HBEGF: variants seen among roughly 807,000 people sequenced by gnomAD.
HBEGF encodes proheparin-binding EGF-like growth factor.
In HBEGF, 8 loss-of-function variants were observed where a neutral mutation model predicts 19.5. The observed-to-expected ratio is 0.41, with a 90% CI of 0.24 to 0.74. The LOEUF (loss-of-function observed/expected upper bound fraction) is 0.74, where lower values mean the gene tolerates loss of function less well. Ranked by LOEUF, HBEGF falls within the 30% of genes least tolerant of loss-of-function variation. The pLI is 0.32. For synonymous variants in HBEGF, 97 were observed against 108.9 expected (o/e 0.89, Z 0.68); for missense variants, 207 against 256.9 (o/e 0.81, Z 1.33).
intron 2 of HBEGF, among the ~76,000 whole-genome samples, chr5:140,343,563 G>C (rs993926678): frequency 6.6e-6 from 1 of 152,166 alleles, no homozygotes; most frequent in Non-Finnish European, 1.5e-5. Flanking sequence ...GGGTGTACAA[G>C]GGATAGAAAA....
At chr5:140,336,986 G>T (rs979799736) in intron 3 of HBEGF, among the ~76,000 whole-genome samples, 1 of 151,694 alleles carries the variant, frequency 6.6e-6, no homozygotes, top group Admixed American at 6.6e-5. Context: ...CCGCCACCAC[G>T]CCCAGCTAAT....
At chr5:140,343,148 C>A in intron 2 of HBEGF, 1 of 256,932 alleles carries the variant, frequency 3.9e-6, no homozygotes, top group South Asian at 7.6e-5. Flanking sequence ...CACCTTACAC[C>A]CCCATCTCCT....
At chr5:140,339,047 G>A (rs1766269792) in intron 3 of HBEGF, among the ~76,000 whole-genome samples, 1 of 152,214 alleles carries the variant, frequency 6.6e-6, no homozygotes, top group African/African-American at 2.4e-5. Context: ...TACTTCACTA[G>A]AGTATTGTGA....
In HBEGF at chr5:140,346,149, C is replaced by G; in HGVS notation, c.47-65G>C. 1 of 1,570,332 alleles carries G rather than the reference C, an allele frequency of 6.4e-7. No individual in the cohort carries two copies. Among genetic ancestry groups the G allele is most frequent in the Non-Finnish European group, 8.6e-7 (1 of 1,159,152 alleles). On this transcript the variant is annotated intron_variant, in intron 1 of 5. Transcript: ENST00000230990. The surrounding 1 kb of genome is among the most constrained non-coding windows in gnomAD (Gnocchi z 6.1). ...GACCCCTGACCAACACGCACCGATG[C>G]CGACGCCCGTCCGCCAGAGCGCAAG...
At chr5:140,337,028 A>G (rs1468529034) in intron 3 of HBEGF, among the ~76,000 whole-genome samples, 1 of 151,710 alleles carries the variant, frequency 6.6e-6, no homozygotes, top group East Asian at 1.9e-4. Context: ...ACGGAGTTTC[A>G]CCATGTTAAC....
At chr5:140,335,331 C>T (rs750238950) in intron 4 of HBEGF, among the ~76,000 whole-genome samples, 3 of 149,578 alleles carry the variant, frequency 2.0e-5, no homozygotes, top group Admixed American at 6.7e-5. Context: ...TTGCAGTGAG[C>T]CGAGATCACA....
rs754819428 is a variant in HBEGF at position 140,346,285 on chromosome 5, G to C, written c.44C>G (p.Ala15Gly). 3 of 1,606,874 alleles carry C rather than the reference G, an allele frequency of 1.9e-6. No homozygotes were observed. The South Asian group carries it at 3.3e-5, about 18-fold the overall frequency. ...PSVVLKLFLA[A>G]VLSALVTGES... ...GGGGGCGTCGGCAGCCCTCTTACCTGCAGCCAGAAAGAGCTTCAGCACCAC... is the reference window on the plus strand; with the variant it reads ...GGGGGCGTCGGCAGCCCTCTTACCTCCAGCCAGAAAGAGCTTCAGCACCAC... The change falls in exon 1 of 6, where the codon GCA (alanine) becomes GGA (glycine). Residue 15 changes from alanine to glycine, a missense_variant and splice_region_variant. Ala to Gly is a moderately conservative substitution (Grantham distance 60). Transcript: ENST00000230990. This position sits in a 1 kb window ranked among gnomAD's most constrained non-coding sequence, Gnocchi z 6.1.
chr5:140,336,056 G>A (rs1397883080), intron 3 of HBEGF, 29 bp from the exon 4 acceptor site: 3 of 1,608,730 alleles, frequency 1.9e-6, no homozygotes, highest in Non-Finnish European at 2.5e-6. Context: ...AGAAGGAGAT[G>A]GAGTTAGTGC....
chr5:140,339,405 T>A (rs999233616), intron 3 of HBEGF, among the ~76,000 whole-genome samples: 13 of 152,266 alleles, frequency 8.5e-5, no homozygotes, highest in African/African-American at 2.9e-4. Context: ...TATTATTATT[T>A]TTTTGAGATG....
chr5:140,346,504 T>A lies in HBEGF; in HGVS notation c.-176A>T. ...AGGCGCAGCTCGCTCTTCTTGAGTG[T>A]CTTGTCTTGCTCACTCAGCCCGCCC... is the stretch of plus-strand genomic sequence containing the variant. On this transcript the variant is annotated 5_prime_UTR_variant, in exon 1 of 6. Coordinates refer to ENST00000230990, the MANE Select transcript of HBEGF (RefSeq NM_001945.3). The surrounding 1 kb of genome is among the most constrained non-coding windows in gnomAD (Gnocchi z 6.1). 1.4e-6 allele frequency: 1 copy of A among 714,126 alleles called. No individual in the cohort carries two copies. The highest frequency in any genetic ancestry group is 1.7e-5 in the South Asian group (1 of 58,284). 44.2% of individuals were successfully genotyped at this position (714,126 alleles called of 1,614,324 possible).
Position 140,346,574 on chromosome 5 carries a change from G to A in HBEGF, c.-246C>T. On this transcript the variant is annotated 5_prime_UTR_variant, in exon 1 of 6. Transcript: ENST00000230990. The surrounding 1 kb of genome is among the most constrained non-coding windows in gnomAD (Gnocchi z 6.1). ...CGCGCCTAGGTCAGGCCAGCCAGCA[G>A]CGTGGCCCGCGTAGCTCCTTCGGCC... 1.8e-6 allele frequency: 1 copy of A among 557,380 alleles called. No individual in the cohort carries two copies. The highest frequency in any genetic ancestry group is 3.2e-6 in the Non-Finnish European group (1 of 315,268). The allele number at this position is 557,380 out of a possible 1,614,324, so 34.5% of individuals were successfully genotyped here.
Position 140,346,420 on chromosome 5 carries a change from G to A in HBEGF, c.-92C>T. ...CACCAGAGCTGGGCGGCGGAGCTCA[G>A]GAGATTCCGCCGGGCACCGTCTGCC... On this transcript the variant is annotated 5_prime_UTR_variant, in exon 1 of 6. Transcript: ENST00000230990. This position sits in a 1 kb window ranked among gnomAD's most constrained non-coding sequence, Gnocchi z 6.1. 2 of 1,421,340 alleles carry A rather than the reference G, an allele frequency of 1.4e-6. No individual in the cohort carries two copies. The highest frequency in any genetic ancestry group is 1.9e-6 in the Non-Finnish European group (2 of 1,036,702). 88.0% of individuals were successfully genotyped at this position (1,421,340 alleles called of 1,614,324 possible).
chr5:140,336,828 CTTTTTTTT>C (rs1160533557), intron 3 of HBEGF, among the ~76,000 whole-genome samples: 2 of 129,814 alleles, frequency 1.5e-5, no homozygotes, highest in Non-Finnish European at 3.2e-5. Flanking sequence ...TTTTCTTTTT[CTTTTTTTT>C]TTTTTTTTTT....
chr5:140,343,014 G>C (rs1183682179), intron 2 of HBEGF: 2 of 587,882 alleles, frequency 3.4e-6, no homozygotes, highest in Non-Finnish European at 6.0e-6. Flanking sequence ...ACCTCGGTAG[G>C]AAGTAGAAGC....
chr5:140,337,632 T>C (rs1397409708), intron 3 of HBEGF, among the ~76,000 whole-genome samples: 3 of 152,170 alleles, frequency 2.0e-5, no homozygotes, highest in African/African-American at 7.2e-5. Flanking sequence ...GGCTGGGTGG[T>C]ACTGCATTCT....
intron 3 of HBEGF, among the ~76,000 whole-genome samples, chr5:140,339,144 A>G (rs1257637814): frequency 1.3e-5 from 2 of 152,214 alleles, no homozygotes; most frequent in African/African-American, 4.8e-5. Flanking sequence ...CAGACTCCAG[A>G]GGTTACTGCC....
intron 4 of HBEGF, 96 bp downstream of exon 4, chr5:140,335,776 T>C: frequency 7.7e-7 from 1 of 1,298,152 alleles, no homozygotes; most frequent in Non-Finnish European, 1.1e-6. Flanking sequence ...TTGGAAAGAT[T>C]GAGGGAAGTG....
At chr5:140,345,117 A>G (rs1259158835) in intron 2 of HBEGF, among the ~76,000 whole-genome samples, 1 of 152,238 alleles carries the variant, frequency 6.6e-6, no homozygotes, top group Non-Finnish European at 1.5e-5. Context: ...CTGTCCAACC[A>G]AATATAGTCA....
At chr5:140,345,408 G>A (rs1047393515) in intron 2 of HBEGF, among the ~76,000 whole-genome samples, 4 of 152,162 alleles carry the variant, frequency 2.6e-5, no homozygotes, top group African/African-American at 7.2e-5. Flanking sequence ...CATCTAGGGC[G>A]GCCAAGAGCT....
Sources: gnomAD v4.1 joint callset for allele counts (sites outside exome capture counted in the v4.1 genomes callset) on GRCh38, gnomAD v4.1.1 for gene constraint, Gnocchi (gnomAD v3.1) non-coding constraint, MANE v1.5 for transcripts, NCBI Gene and HGNC (gene_info 2026-07-23, HGNC 2026-07-21) for gene names.